Variants in SLC25A32 observed in about 807,000 individuals in gnomAD.
SLC25A32 encodes solute carrier family 25 member 32.
A neutral mutation model predicts 39.0 loss-of-function variants in SLC25A32; 32 were observed. That is an observed-to-expected ratio of 0.82 (90% confidence interval 0.62 to 1.10). SLC25A32 has a LOEUF of 1.10. SLC25A32 is among the 50% of genes least tolerant of loss of function. The probability of loss-of-function intolerance (pLI) is 0.00; values close to 1 mark genes in which losing one functional copy is unlikely to be tolerated. For missense variants in SLC25A32, 367 were observed against 395.3 expected (o/e 0.93, Z 0.61); for synonymous variants, 166 against 152.4 (o/e 1.09, Z -0.66).
chr8:103,403,473 C>A (rs1220882523), intron 3 of SLC25A32, 149 bp from the exon 4 acceptor site: 1 of 528,746 alleles, frequency 1.9e-6, no homozygotes, highest in Non-Finnish European at 3.1e-6. Context: ...AATGTAGTTT[C>A]TGAGGCACAG....
At position 103,400,518 on chromosome 8, in the gene SLC25A32, C is replaced by A. The variant is rs772479384; in HGVS notation, c.841G>T (p.Gly281Ter). 1 of 1,613,866 alleles carries A rather than the reference C, an allele frequency of 6.2e-7. No individual in the cohort carries two copies. Among genetic ancestry groups the A allele is most frequent in the African/African-American group, 1.3e-5 (1 of 74,878 alleles). Residue 281 changes from glycine to a stop codon, truncating the protein, a stop_gained, in exon 7 of 7, where the codon GGA becomes TGA. Coordinates refer to ENST00000297578, the MANE Select transcript of SLC25A32 (RefSeq NM_030780.5). LOFTEE classifies it high-confidence loss of function. ...RKEGVGGFYK[G>*]IAPNLIRVTP... ...ACTCTAATCAAATTAGGAGCAATTC[C>A]CTTGTAAAATCCACCGACGCCTTCT... is the stretch of plus-strand genomic sequence containing the variant.
Position 103,415,038 on chromosome 8 carries a change from C to T in SLC25A32, c.-101G>A, listed in dbSNP as rs1196564622. 1.3e-6 allele frequency: 2 copies of T among 1,594,256 alleles called. No individual in the cohort carries two copies. Among genetic ancestry groups the T allele is most frequent in the East Asian group, 2.2e-5 (1 of 44,652 alleles). On this transcript the variant is annotated 5_prime_UTR_variant, in exon 1 of 7. Coordinates refer to ENST00000297578, the MANE Select transcript of SLC25A32 (RefSeq NM_030780.5). ...GACGGTCGCCCCTTGTGAGCGCAAC[C>T]CCACCTCCGGGACCAACGAGAGGAC...
At chr8:103,400,951 G>A (rs917468858) in intron 6 of SLC25A32, among the ~76,000 whole-genome samples, 1 of 152,080 alleles carries the variant, frequency 6.6e-6, no homozygotes, top group African/African-American at 2.4e-5. Context: ...CAATAATATG[G>A]AATACGGCCT....
intron 1 of SLC25A32, 170 bp downstream of exon 1, chr8:103,414,614 G>A (rs1158340014): frequency 5.5e-6 from 5 of 907,528 alleles, no homozygotes; most frequent in Admixed American, 2.8e-5. Context: ...GAAGATCGCA[G>A]GCCGACCCCT....
intron 2 of SLC25A32, among the ~76,000 whole-genome samples, chr8:103,405,280 A>G (rs576858849): frequency 2.0e-4 from 30 of 152,356 alleles, no homozygotes; most frequent in Non-Finnish European, 2.9e-4. Flanking sequence ...TAAACAAGTG[A>G]TGAATTTTTC....
Position 103,414,906 on chromosome 8 carries a change from G to C in SLC25A32, c.32C>G (p.Ser11Trp). ...GCGGAATACCGTGCTCCACGCCGAC[G>C]ACCCGGACGCCGACTGGCCCTGGCC... MTGQGQSASG[S>W]SAWSTVFRHV... Residue 11 changes from serine (S) to tryptophan (W), a missense_variant, in exon 1 of 7, where the codon TCG becomes TGG. Transcript: ENST00000297578. 4 of 1,610,800 alleles carry C rather than the reference G, an allele frequency of 2.5e-6. No homozygotes were observed. The highest frequency in any genetic ancestry group is 2.5e-6 in the Non-Finnish European group (3 of 1,178,954).
In SLC25A32 at chr8:103,402,875, G is replaced by GT. The variant is rs566530153; in HGVS notation, c.552+288dup. 3.0e-3 allele frequency among the ~76,000 whole-genome samples: 455 copies of GT among 152,298 alleles called. 2 individuals carry two copies. Among genetic ancestry groups the GT allele is most frequent in the Non-Finnish European group, 2.8e-3 (189 of 68,014 alleles). The stretch of plus-strand genomic sequence containing the variant: ...GAGACCACAGCTTCCAAGGAATGGA[G>GT]TAAGGAATAAGTGACCTGGTTGTAT... On this transcript the variant is annotated intron_variant, in intron 4 of 6. Transcript: ENST00000297578.
intron 4 of SLC25A32, 184 bp from the exon 5 acceptor site, chr8:103,402,238 T>C: frequency 2.2e-6 from 1 of 457,698 alleles, no homozygotes; most frequent in South Asian, 4.1e-5. Context: ...TAGTATTCTC[T>C]TCTACTTTAT....
intron 3 of SLC25A32, 49 bp downstream of exon 3, chr8:103,404,727 A>G: frequency 7.1e-7 from 1 of 1,398,738 alleles, no homozygotes; most frequent in Non-Finnish European, 1.0e-6. Context: ...ACCAAAACTG[A>G]AAATTAAGTT....
At chr8:103,403,125 A>G in intron 4 of SLC25A32, 39 bp downstream of exon 4, 1 of 1,450,964 alleles carries the variant, frequency 6.9e-7, no homozygotes, top group Non-Finnish European at 9.3e-7. Context: ...CGGAAATTCA[A>G]ATTTTTCAGT....
At chr8:103,407,436 T>C (rs1412919810) in intron 2 of SLC25A32, among the ~76,000 whole-genome samples, 198 bp downstream of exon 2, 1 of 152,146 alleles carries the variant, frequency 6.6e-6, no homozygotes, top group Non-Finnish European at 1.5e-5. Flanking sequence ...TTAATAGGCA[T>C]CTGATAATCA....
In SLC25A32 at chr8:103,401,589, CTT is replaced by C; in HGVS notation, c.737_738del (p.Gln246ArgfsTer39). 1 of 1,613,722 alleles carries C rather than the reference CTT, an allele frequency of 6.2e-7. No homozygotes were observed. Among genetic ancestry groups the C allele is most frequent in the Non-Finnish European group, 8.5e-7 (1 of 1,179,806 alleles). On this transcript the variant is annotated frameshift_variant, in exon 6 of 7. Coordinates refer to ENST00000297578, the MANE Select transcript of SLC25A32 (RefSeq NM_030780.5). LOFTEE classifies it high-confidence loss of function. Reference sequence around the variant, plus strand: ...TGATCCTGAAGACGAGCTCTTACGACTTGATATGGGTATGTTGCTGCGACAGC... The same window carrying C: ...TGATCCTGAAGACGAGCTCTTACGACGATATGGGTATGTTGCTGCGACAGC... ...IFAVAATYPY[Q>X]VVRARLQDQH...
At chr8:103,408,891 C>G (rs1816398479) in intron 1 of SLC25A32, among the ~76,000 whole-genome samples, 1 of 152,194 alleles carries the variant, frequency 6.6e-6, no homozygotes, top group African/African-American at 2.4e-5. Context: ...ACACTGCCAT[C>G]ATCCTACTTT....
In SLC25A32 at chr8:103,410,973, CT is replaced by C. The variant is rs1372002501; in HGVS notation, c.155-3190del. 7.9e-5 allele frequency among the ~76,000 whole-genome samples: 12 copies of C among 152,302 alleles called. No individual in the cohort carries two copies. The East Asian group carries it at 2.1e-3, about 27-fold the overall frequency. On this transcript the variant is annotated intron_variant, in intron 1 of 6. Coordinates refer to ENST00000297578, the MANE Select transcript of SLC25A32 (RefSeq NM_030780.5). Reference sequence around the variant, plus strand: ...TCTCTTAATAAAATTAATCTCCCCCCTACCTGTGCTCTATATTGGTGTTTTT... The same window carrying C: ...TCTCTTAATAAAATTAATCTCCCCCCACCTGTGCTCTATATTGGTGTTTTT...
intron 1 of SLC25A32, among the ~76,000 whole-genome samples, chr8:103,414,084 G>C (rs1465805843): frequency 6.6e-6 from 1 of 152,190 alleles, no homozygotes; most frequent in Non-Finnish European, 1.5e-5. Flanking sequence ...AACTTCTGTA[G>C]ATTTAATTCT....
In SLC25A32 at chr8:103,403,287, T is replaced by C. The variant is rs770463066; in HGVS notation, c.429A>G (p.Val143=). Residue 143 remains valine, a synonymous_variant, in exon 4 of 7, where the codon GTA becomes GTG. Transcript: ENST00000297578. ...ACTGTAACATAAGGCGAGTTTTTGT[T>C]ACCCATAATGGGTTTGTAATGCAGA... ...MTLCITNPLW[V]TKTRLMLQYD... is the part of the protein sequence containing the mutation. The C allele has an allele frequency of 1.2e-6, 2 of 1,613,100 alleles. No homozygotes were observed. The highest frequency in any genetic ancestry group is 1.7e-6 in the Non-Finnish European group (2 of 1,179,492).
intron 1 of SLC25A32, among the ~76,000 whole-genome samples, chr8:103,410,417 G>C (rs1362250333): frequency 2.0e-5 from 3 of 152,116 alleles, no homozygotes; most frequent in African/African-American, 4.8e-5. Context: ...CCTCCTGTCC[G>C]ATCAGTGGTG....
intron 5 of SLC25A32, 92 bp downstream of exon 5, chr8:103,401,849 T>C: frequency 2.8e-6 from 3 of 1,064,564 alleles, no homozygotes; most frequent in Non-Finnish European, 2.7e-6. Context: ...CTCATCATCA[T>C]AGCACTACCA....
chr8:103,408,134 T>C (rs1365462111), intron 1 of SLC25A32, among the ~76,000 whole-genome samples: 1 of 150,862 alleles, frequency 6.6e-6, no homozygotes, highest in African/African-American at 2.4e-5. Context: ...CACATCACCA[T>C]GCCCAGCTAA....
Sources: allele counts gnomAD v4.1 joint callset (sites outside exome capture counted in the v4.1 genomes callset), GRCh38; gene constraint gnomAD v4.1.1; transcripts MANE v1.5; gene names NCBI Gene and HGNC (gene_info 2026-07-23, HGNC 2026-07-21).